TSHZ2: variants seen among roughly 807,000 people sequenced by gnomAD.
The protein encoded by TSHZ2 is teashirt zinc finger homeobox 2.
TSHZ2 carries 21 observed loss-of-function variants against 74.4 expected under a neutral mutation model. The ratio of observed to expected loss-of-function variants is 0.28; its 90% CI spans 0.20 to 0.41. TSHZ2 has a LOEUF of 0.41. TSHZ2 is among the 10% of genes least tolerant of loss of function. The probability of loss-of-function intolerance (pLI) is 1.00; values close to 1 mark genes in which losing one functional copy is unlikely to be tolerated. For missense variants in TSHZ2, 1,244 were observed against 1,293.5 expected, an observed-to-expected ratio of 0.96 and a Z score of 0.59; for synonymous variants, 540 against 515.3, an observed-to-expected ratio of 1.05 and a Z score of -0.65.
At chr20:53,316,240 G>C (rs1372223780) in intron 2 of TSHZ2, among the ~76,000 whole-genome samples, 1 of 152,190 alleles carries the variant, frequency 6.6e-6, no homozygotes, top group African/African-American at 2.4e-5. Context: ...CTCATCACTT[G>C]GTTCATTGTT....
At chr20:53,079,927 G>A (rs946124794) in intron 1 of TSHZ2, among the ~76,000 whole-genome samples, 2 of 151,712 alleles carry the variant, frequency 1.3e-5, no homozygotes, top group East Asian at 3.9e-4. Context: ...ATTCTGATTG[G>A]TCTGACTCCA....
At chr20:52,997,616 C>T (rs935794942) in intron 1 of TSHZ2, among the ~76,000 whole-genome samples, 10 of 152,176 alleles carry the variant, frequency 6.6e-5, no homozygotes, top group African/African-American at 2.2e-4. Context: ...CCAGCCCTAC[C>T]CTCTAGAGTT....
intron 2 of TSHZ2, among the ~76,000 whole-genome samples, chr20:53,334,551 G>A (rs974946160): frequency 1.3e-5 from 2 of 152,128 alleles, no homozygotes; most frequent in Middle Eastern, 3.2e-3. Flanking sequence ...GGGTCCGACC[G>A]GCAATTGCAC....
chr20:53,219,380 A>G (rs1989505805), intron 1 of TSHZ2, among the ~76,000 whole-genome samples: 1 of 152,228 alleles, frequency 6.6e-6, no homozygotes, highest in African/African-American at 2.4e-5. Flanking sequence ...CTGCAGTTAT[A>G]AAAGACTGAA....
At chr20:53,075,982 C>T (rs1985352555) in intron 1 of TSHZ2, among the ~76,000 whole-genome samples, 3 of 152,336 alleles carry the variant, frequency 2.0e-5, no homozygotes, top group South Asian at 4.1e-4. Context: ...CTCTTGACCT[C>T]GCTTTCCTCA....
At chr20:53,186,422 A>C (rs189225540) in intron 1 of TSHZ2, among the ~76,000 whole-genome samples, 12 of 152,356 alleles carry the variant, frequency 7.9e-5, no homozygotes, top group Admixed American at 2.0e-4. Flanking sequence ...ACTGAATCAG[A>C]AACCCTAGGC....
At chr20:53,183,381 G>A (rs897378197) in intron 1 of TSHZ2, among the ~76,000 whole-genome samples, 1 of 152,130 alleles carries the variant, frequency 6.6e-6, no homozygotes, top group Admixed American at 6.5e-5. Flanking sequence ...ATGCTGCTCG[G>A]GTCAGTATTC....
intron 2 of TSHZ2, among the ~76,000 whole-genome samples, chr20:53,408,955 C>T (rs1265484112): frequency 6.6e-6 from 1 of 152,220 alleles, no homozygotes; most frequent in Non-Finnish European, 1.5e-5. Flanking sequence ...CCAGCCTATT[C>T]TTCTCGTAGA....
intron 1 of TSHZ2, among the ~76,000 whole-genome samples, chr20:53,247,135 T>G (rs1213726878): frequency 6.6e-6 from 1 of 152,240 alleles, no homozygotes; most frequent in African/African-American, 2.4e-5. Context: ...GAGCAAACTC[T>G]TCTCTCTCGA....
At chr20:53,299,446 A>G (rs1234157168) in intron 2 of TSHZ2, among the ~76,000 whole-genome samples, 1 of 152,198 alleles carries the variant, frequency 6.6e-6, no homozygotes, top group African/African-American at 2.4e-5. Flanking sequence ...TGTTTTGCCC[A>G]TTTATAAATG....
At chr20:53,076,869 T>G (rs1985379170) in intron 1 of TSHZ2, among the ~76,000 whole-genome samples, 1 of 152,164 alleles carries the variant, frequency 6.6e-6, no homozygotes, top group Non-Finnish European at 1.5e-5. Flanking sequence ...TGGACGCAAT[T>G]CAGAGAGTGA....
intron 2 of TSHZ2, among the ~76,000 whole-genome samples, chr20:53,395,649 C>T (rs571657709): frequency 1.1e-4 from 17 of 152,314 alleles, no homozygotes; most frequent in African/African-American, 4.1e-4. Context: ...AAATGTTTTT[C>T]AATAATCTGA....
At chr20:53,381,060 A>T (rs1164753747) in intron 2 of TSHZ2, among the ~76,000 whole-genome samples, 1 of 152,182 alleles carries the variant, frequency 6.6e-6, no homozygotes, top group African/African-American at 2.4e-5. Context: ...TGTGTGACTC[A>T]CTCATCCACG....
intron 1 of TSHZ2, among the ~76,000 whole-genome samples, chr20:53,248,996 C>T (rs1990265949): frequency 6.8e-6 from 1 of 147,702 alleles, no homozygotes; most frequent in African/African-American, 2.5e-5. Flanking sequence ...TGCCACCACA[C>T]CTGGCTGATT....
At chr20:53,054,980 G>C (rs1984590547) in intron 1 of TSHZ2, among the ~76,000 whole-genome samples, 1 of 152,148 alleles carries the variant, frequency 6.6e-6, no homozygotes, top group South Asian at 2.1e-4. Context: ...GTTCTCTCAA[G>C]GGAAGCCAGA....
At chr20:53,153,832 T>C (rs1299557667) in intron 1 of TSHZ2, among the ~76,000 whole-genome samples, 1 of 152,164 alleles carries the variant, frequency 6.6e-6, no homozygotes, top group Non-Finnish European at 1.5e-5. Context: ...TAATTTTGGC[T>C]AGACTCAGCT....
intron 1 of TSHZ2, among the ~76,000 whole-genome samples, chr20:52,984,052 A>T (rs986276284): frequency 1.4e-4 from 21 of 152,238 alleles, no homozygotes; most frequent in African/African-American, 5.1e-4. Context: ...GCCTGAGAGC[A>T]GGAAGAAGGG....
In TSHZ2 at chr20:53,156,847, C is replaced by CT. The variant is rs536392369; in HGVS notation, c.41-96651dup. ...AGTCAAAGATTATAAGATAACGTTT[C>CT]TGTAGGTAGGGGGAAATAAGAGCTG... On this transcript the variant is annotated intron_variant, in intron 1 of 2. Transcript: ENST00000371497. 7.2e-5 allele frequency among the ~76,000 whole-genome samples: 11 copies of CT among 152,278 alleles called. No individual in the cohort carries two copies. In the East Asian group the frequency reaches 2.1e-3, roughly 29 times the overall value.
At chr20:53,356,302 A>C (rs896784148) in intron 2 of TSHZ2, among the ~76,000 whole-genome samples, 1 of 152,182 alleles carries the variant, frequency 6.6e-6, no homozygotes, top group African/African-American at 2.4e-5. Flanking sequence ...AATCTGAGGG[A>C]TAATTATGAT....
Sources: allele counts gnomAD v4.1 joint callset (sites outside exome capture counted in the v4.1 genomes callset), GRCh38; gene constraint gnomAD v4.1.1; transcripts MANE v1.5; gene names NCBI Gene and HGNC (gene_info 2026-07-23, HGNC 2026-07-21).